EYS: variants seen among roughly 807,000 people sequenced by gnomAD.
The protein encoded by EYS is EGF-like photoreceptor maintenance factor.
A neutral mutation model predicts 282.1 loss-of-function variants in EYS; 250 were observed. The observed-to-expected ratio is 0.89, with a 90% confidence interval of 0.80 to 0.98. The LOEUF (loss-of-function observed/expected upper bound fraction) is 0.98, where lower values mean the gene tolerates loss of function less well. Ranked by LOEUF, EYS falls within the 50% of genes least tolerant of loss-of-function variation. The pLI is 0.00. For missense variants in EYS, 4,016 were observed against 3,709.0 expected (o/e 1.08, Z -2.15); for synonymous variants, 1,355 against 1,282.9 (o/e 1.06, Z -1.20).
chr6:64,451,564 A>T (rs1169281124), intron 26 of EYS, among the ~76,000 whole-genome samples: 2 of 152,150 alleles, frequency 1.3e-5, no homozygotes, highest in Non-Finnish European at 2.9e-5. Context: ...AAAAAAAGAG[A>T]ATTTTAGACC....
At chr6:64,903,931 G>T (rs1767744768) in intron 16 of EYS, among the ~76,000 whole-genome samples, 1 of 151,812 alleles carries the variant, frequency 6.6e-6, no homozygotes, top group Non-Finnish European at 1.5e-5. Flanking sequence ...TAATCCAAAA[G>T]AAAACAGAAA....
intron 11 of EYS, among the ~76,000 whole-genome samples, chr6:65,298,666 G>T (rs1768731310): frequency 6.6e-6 from 1 of 151,356 alleles, no homozygotes; most frequent in East Asian, 1.9e-4. Context: ...TTCCCTTATT[G>T]TTTAGCATTA....
chr6:64,788,577 CA>C (rs1425324598), intron 22 of EYS, among the ~76,000 whole-genome samples: 2 of 152,062 alleles, frequency 1.3e-5, no homozygotes, highest in East Asian at 1.9e-4. Context: ...GGAGAGTATC[CA>C]GGGGTCTAAA....
chr6:63,945,740 C>T (rs1420894429), intron 35 of EYS, among the ~76,000 whole-genome samples: 3 of 152,116 alleles, frequency 2.0e-5, no homozygotes, highest in Non-Finnish European at 4.4e-5. Context: ...TGTTTACATG[C>T]CAGATTGATT....
intron 5 of EYS, among the ~76,000 whole-genome samples, chr6:65,420,492 T>C (rs1767413991): frequency 6.6e-6 from 1 of 151,952 alleles, no homozygotes; most frequent in Admixed American, 6.6e-5. Context: ...CTTCTTCTAC[T>C]GTTGTTTTAA....
chr6:65,684,745 T>C (rs901098509), intron 1 of EYS, among the ~76,000 whole-genome samples: 3 of 152,070 alleles, frequency 2.0e-5, no homozygotes, highest in Non-Finnish European at 4.4e-5. Flanking sequence ...TTAGGTTTAT[T>C]ACATGGGTAC....
chr6:64,224,204 G>T (rs1398293080), intron 31 of EYS, among the ~76,000 whole-genome samples: 1 of 152,014 alleles, frequency 6.6e-6, no homozygotes, highest in African/African-American at 2.4e-5. Context: ...AGAACACAAA[G>T]ATCTTCTATG....
intron 2 of EYS, among the ~76,000 whole-genome samples, chr6:65,616,020 G>C (rs1427883859): frequency 6.6e-6 from 1 of 151,636 alleles, no homozygotes; most frequent in African/African-American, 2.4e-5. Flanking sequence ...ACACAAAATT[G>C]TATCAAGAGT....
intron 36 of EYS, among the ~76,000 whole-genome samples, chr6:63,840,496 T>C (rs1167463826): frequency 6.6e-6 from 1 of 152,088 alleles, no homozygotes; most frequent in Non-Finnish European, 1.5e-5. Flanking sequence ...GTCATTTCAC[T>C]CTGTTGATTT....
intron 31 of EYS, among the ~76,000 whole-genome samples, chr6:64,180,275 C>T (rs1158447889): frequency 2.6e-5 from 4 of 152,088 alleles, no homozygotes; most frequent in Non-Finnish European, 5.9e-5. Flanking sequence ...TTGCAGGCAA[C>T]TTGTCAAGAA....
chr6:65,014,450 A>T (rs1050816320), intron 13 of EYS, among the ~76,000 whole-genome samples: 1 of 152,242 alleles, frequency 6.6e-6, no homozygotes, highest in Non-Finnish European at 1.5e-5. Flanking sequence ...CCACTAAGAC[A>T]TCTTCAGTGC....
intron 22 of EYS, among the ~76,000 whole-genome samples, chr6:64,688,469 A>T (rs189819032): frequency 0.028 from 4,334 of 152,142 alleles, 125 homozygotes; most frequent in East Asian, 0.14. Flanking sequence ...TTCTGCCTTC[A>T]TTTTGTTATG....
chr6:65,464,814 C>G (rs1026242425), intron 5 of EYS, among the ~76,000 whole-genome samples: 2 of 152,092 alleles, frequency 1.3e-5, no homozygotes, highest in Non-Finnish European at 2.9e-5. Context: ...CAACAAGAAC[C>G]AATGACTAGG....
intron 5 of EYS, among the ~76,000 whole-genome samples, chr6:65,463,916 G>T (rs1169063872): frequency 6.6e-6 from 1 of 152,014 alleles, no homozygotes; most frequent in African/African-American, 2.4e-5. Flanking sequence ...GCATAAATGG[G>T]TTAACTGTGA....
At chr6:64,514,309 T>C (rs1777496853) in intron 26 of EYS, among the ~76,000 whole-genome samples, 1 of 151,858 alleles carries the variant, frequency 6.6e-6, no homozygotes, top group Non-Finnish European at 1.5e-5. Context: ...ATATTAGTTA[T>C]CAGTGTAGGA....
chr6:64,805,581 T>C (rs962318500), intron 22 of EYS, among the ~76,000 whole-genome samples: 12 of 151,688 alleles, frequency 7.9e-5, no homozygotes, highest in African/African-American at 2.9e-4. Context: ...CACAGAAAAG[T>C]AGAAATCATA....
chr6:64,006,530 T>C (rs947407734), intron 33 of EYS, among the ~76,000 whole-genome samples: 1 of 152,158 alleles, frequency 6.6e-6, no homozygotes, highest in Non-Finnish European at 1.5e-5. Context: ...CTATGTTGGA[T>C]GAAAGTGGTA....
At chr6:65,451,337 C>T (rs1764389654) in intron 5 of EYS, among the ~76,000 whole-genome samples, 1 of 152,022 alleles carries the variant, frequency 6.6e-6, no homozygotes, top group Admixed American at 6.6e-5. Flanking sequence ...CCCTCACACA[C>T]AATTTTGACC....
intron 12 of EYS, among the ~76,000 whole-genome samples, chr6:65,280,029 A>AT (rs1002318639): frequency 2.6e-5 from 4 of 152,216 alleles, no homozygotes; most frequent in Non-Finnish European, 4.4e-5. Flanking sequence ...GCAACCACTT[A>AT]TTTTTTTGTG....
Sources: gnomAD v4.1 joint callset for allele counts (sites outside exome capture counted in the v4.1 genomes callset) on GRCh38, gnomAD v4.1.1 for gene constraint, MANE v1.5 for transcripts, NCBI Gene and HGNC (gene_info 2026-07-23, HGNC 2026-07-21) for gene names.